SPRTN: variants seen among roughly 807,000 people sequenced by gnomAD.
SPRTN encodes the protein SprT-like N-terminal domain, also known as DNA-dependent metalloprotease SPRTN.
In SPRTN, 11 loss-of-function variants were observed where a neutral mutation model predicts 31.9. The observed-to-expected ratio is 0.34, with a 90% CI of 0.22 to 0.57. SPRTN has a LOEUF of 0.57. SPRTN is among the 20% of genes least tolerant of loss of function. SPRTN has a pLI of 0.86. For synonymous variants in SPRTN, 185 were observed against 212.1 expected (o/e 0.87, Z 1.11); for missense variants, 482 against 590.1 (o/e 0.82, Z 1.90).
intron 1 of SPRTN, chr1:231,339,566 G>GGC (rs1230297194): frequency 2.6e-5 from 19 of 742,762 alleles, no homozygotes; most frequent in Non-Finnish European, 4.2e-5. Flanking sequence ...TTCCTTGCCC[G>GGC]GCGGGGATCG....
rs368836361 is a variant in SPRTN, at chr1:231,352,606, G to A, written c.719-4G>A. The A allele has an allele frequency of 1.9e-6, 3 of 1,548,688 alleles. No individual in the cohort carries two copies. The African/African-American group carries it at 4.2e-5, about 22-fold the overall frequency. On this transcript the variant is annotated splice_polypyrimidine_tract_variant and splice_region_variant and intron_variant, in intron 4 of 4. Coordinates refer to ENST00000295050, the MANE Select transcript of SPRTN (RefSeq NM_032018.7). ...CATAACAATCTTCTTTGCTTTTTTG[G>A]CAGATAAACCCAACAGAGGTGAGGC...
chr1:231,340,069 A>C, intron 2 of SPRTN: 1 of 466,850 alleles, frequency 2.1e-6, no homozygotes, highest in Non-Finnish European at 3.8e-6. Flanking sequence ...AAACAAAAAA[A>C]AGGCTTCTAG....
At chr1:231,345,995 T>G (rs1687047551) in intron 2 of SPRTN, among the ~76,000 whole-genome samples, 1 of 151,882 alleles carries the variant, frequency 6.6e-6, no homozygotes, top group African/African-American at 2.4e-5. Flanking sequence ...TTTATTTTTT[T>G]GTAGAGACAA....
At chr1:231,345,960 A>G (rs1687046203) in intron 2 of SPRTN, among the ~76,000 whole-genome samples, 1 of 151,898 alleles carries the variant, frequency 6.6e-6, no homozygotes, top group South Asian at 2.1e-4. Flanking sequence ...CTACAGATGC[A>G]CAAGCTAATT....
chr1:231,345,100 T>G (rs1365877583), intron 2 of SPRTN, among the ~76,000 whole-genome samples: 2 of 152,102 alleles, frequency 1.3e-5, no homozygotes, highest in East Asian at 3.8e-4. Flanking sequence ...CTTTGTCTTT[T>G]TCTTTTTCTT....
intron 3 of SPRTN, among the ~76,000 whole-genome samples, chr1:231,348,290 TTC>T (rs1300122331): frequency 6.6e-6 from 1 of 152,230 alleles, no homozygotes; most frequent in Non-Finnish European, 1.5e-5. Flanking sequence ...ATCAGAATTC[TTC>T]TTTGATTCAT....
chr1:231,352,879 A>T lies in SPRTN; in HGVS notation c.988A>T (p.Asn330Tyr), dbSNP rs773835126. The change falls in exon 5 of 5, where the codon AAC becomes TAC. Residue 330 changes from asparagine to tyrosine, a missense_variant. Around this residue, in one of 2 missense-constraint regions of SPRTN, gnomAD observed 325 missense variants for 350.2 expected, o/e 0.93. Transcript: ENST00000295050. ...TAACAGTCACCAAAATGTTCTAAGC[A>T]ACTACTTTCCTAGAGTATCATTTGC... is the stretch of plus-strand genomic sequence containing the variant. The part of the protein sequence containing the change: ...VSNSHQNVLS[N>Y]YFPRVSFANQ... 1.9e-6 allele frequency: 3 copies of T among 1,614,140 alleles called. No homozygotes were observed. Among genetic ancestry groups the T allele is most frequent in the Non-Finnish European group, 2.5e-6 (3 of 1,179,988 alleles).
intron 1 of SPRTN, 126 bp from the exon 2 acceptor site, chr1:231,339,642 TA>T (rs1483867425): frequency 1.0e-6 from 1 of 986,220 alleles, no homozygotes; most frequent in East Asian, 2.4e-5. Flanking sequence ...AAGTATCTGC[TA>T]ACCAAGGGGG....
Position 231,353,680 on chromosome 1 carries a change from C to A in SPRTN, c.*319C>A, listed in dbSNP as rs1017322566. Reference sequence around the variant, plus strand: ...GTTAATCTTTTTATTTGTATACTTTCCTAAAAATATTCATATGGGGAATCC... The same window carrying A: ...GTTAATCTTTTTATTTGTATACTTTACTAAAAATATTCATATGGGGAATCC... On this transcript the variant is annotated 3_prime_UTR_variant, in exon 5 of 5. Transcript: ENST00000295050. The A allele has an allele frequency of 8.1e-5, 81 of 1,004,350 alleles. No homozygotes were observed. Among genetic ancestry groups the A allele is most frequent in the Non-Finnish European group, 9.5e-5 (80 of 838,602 alleles). 62.2% of individuals were successfully genotyped at this position (1,004,350 alleles called of 1,614,324 possible).
Position 231,354,151 on chromosome 1 carries a change from A to G in SPRTN, c.*790A>G. ...TAACATAAACATAACAAAGTTGCCT[A>G]GTTGATGTAACAGTGGAAAGTTATC... is the stretch of plus-strand genomic sequence containing the variant. On this transcript the variant is annotated 3_prime_UTR_variant, in exon 5 of 5. Coordinates refer to ENST00000295050, the MANE Select transcript of SPRTN (RefSeq NM_032018.7). 1.0e-6 allele frequency: 1 copy of G among 985,248 alleles called. No homozygotes were observed. The highest frequency in any genetic ancestry group is 1.2e-6 in the Non-Finnish European group (1 of 829,742). 61.0% of individuals were successfully genotyped at this position (985,248 alleles called of 1,614,324 possible). A position where few individuals can be genotyped will look rare whatever the true frequency, so the allele number is the denominator to read the frequency against.
rs1463662904 is a variant in SPRTN, at chr1:231,354,357, AAC to A, written c.*1000_*1001del. 3.0e-6 allele frequency: 3 copies of A among 985,308 alleles called. No individual in the cohort carries two copies. The highest frequency in any genetic ancestry group is 1.2e-6 in the Non-Finnish European group (1 of 829,820). The allele number at this position is 985,308 out of a possible 1,614,324, so 61.0% of individuals were successfully genotyped here. A position where few individuals can be genotyped will look rare whatever the true frequency, so the allele number is the denominator to read the frequency against. ...CTGTACATGCTGTTGGCATAGCCCT[AAC>A]ACAGTTGTTCACAAGTTTTCTTTTT... On this transcript the variant is annotated 3_prime_UTR_variant, in exon 5 of 5. Transcript: ENST00000295050.
chr1:231,345,403 C>T (rs917925796), intron 2 of SPRTN, among the ~76,000 whole-genome samples: 2 of 152,214 alleles, frequency 1.3e-5, no homozygotes, highest in African/African-American at 2.4e-5. Context: ...GCGGGGATTA[C>T]AGGCATGAGC....
intron 3 of SPRTN, among the ~76,000 whole-genome samples, chr1:231,350,964 AT>A (rs1687208250): frequency 6.6e-6 from 1 of 152,002 alleles, no homozygotes; most frequent in African/African-American, 2.4e-5. Flanking sequence ...CTTTATCCTA[AT>A]TTTTGATCAT....
chr1:231,348,405 T>C (rs1237729303), intron 3 of SPRTN, among the ~76,000 whole-genome samples: 4 of 152,166 alleles, frequency 2.6e-5, no homozygotes, highest in Non-Finnish European at 4.4e-5. Context: ...TTATTAACTT[T>C]CCTATGCCTC....
chr1:231,343,053 T>C (rs1222848922), intron 2 of SPRTN, among the ~76,000 whole-genome samples: 2 of 152,148 alleles, frequency 1.3e-5, no homozygotes, highest in Non-Finnish European at 2.9e-5. Flanking sequence ...ATATTTTTAT[T>C]GTACCTTTTT....
intron 2 of SPRTN, among the ~76,000 whole-genome samples, chr1:231,341,357 T>G (rs1686885843): frequency 6.6e-6 from 1 of 151,970 alleles, no homozygotes; most frequent in African/African-American, 2.4e-5. Flanking sequence ...CTTTGGAATA[T>G]TTGCATTATA....
chr1:231,338,400 T>C lies in SPRTN; in HGVS notation c.17T>C (p.Met6Thr). 1.2e-6 allele frequency: 2 copies of C among 1,614,258 alleles called. No individual in the cohort carries two copies. The highest frequency in any genetic ancestry group is 1.7e-6 in the Non-Finnish European group (2 of 1,180,044). The change falls in exon 1 of 5, where the codon ATG (methionine) becomes ACG (threonine). Residue 6 changes from methionine (M) to threonine (T), a missense_variant. Met to Thr is a moderately conservative substitution (Grantham distance 81). Transcript: ENST00000295050. MDDDL[M>T]LALRLQEEWN... ...CTGGCAACGATGGATGATGACTTGA[T>C]GTTGGCACTGCGGCTTCAGGAGGAG...
chr1:231,342,919 A>T (rs1369602938), intron 2 of SPRTN, among the ~76,000 whole-genome samples: 7 of 150,598 alleles, frequency 4.6e-5, no homozygotes, highest in Non-Finnish European at 1.0e-4. Context: ...TATTTTTTTT[A>T]CTAGAGACGG....
chr1:231,352,698 T>G lies in SPRTN; in HGVS notation c.807T>G (p.Pro269=). ...VLGETSNLPS[P]GKLITSHAIN... is the part of the protein sequence containing the mutation. The stretch of plus-strand genomic sequence containing the variant: ...GAGAAACAAGCAATTTACCTTCACC[T>G]GGGAAACTGATCACTTCACATGCCA... Residue 269 remains proline (P), a synonymous_variant, in exon 5 of 5, where the codon CCT becomes CCG. Transcript: ENST00000295050. The G allele has an allele frequency of 6.2e-7, 1 of 1,614,058 alleles. No individual in the cohort carries two copies. The highest frequency in any genetic ancestry group is 8.5e-7 in the Non-Finnish European group (1 of 1,179,954).
Sources: allele counts gnomAD v4.1 joint callset (sites outside exome capture counted in the v4.1 genomes callset), GRCh38; gene constraint gnomAD v4.1.1; regional missense constraint gnomAD v4.1.1; transcripts MANE v1.5; gene names NCBI Gene and HGNC (gene_info 2026-07-23, HGNC 2026-07-21).